Variants in DLGAP2 observed in about 807,000 individuals in gnomAD.
DLGAP2 encodes DLG associated protein 2.
DLGAP2 carries 26 observed loss-of-function variants against 100.3 expected under a neutral mutation model. The observed-to-expected ratio is 0.26, with a 90% CI of 0.19 to 0.36. The LOEUF is 0.36. DLGAP2 is among the 10% of genes least tolerant of loss of function. The pLI is 1.00. For synonymous variants in DLGAP2, 886 were observed against 630.1 expected, an observed-to-expected ratio of 1.41 and a Z score of -6.08; for missense variants, 1,858 against 1,453.2, an observed-to-expected ratio of 1.28 and a Z score of -4.53.
Position 1,006,506 on chromosome 8 carries a change from C to T in DLGAP2, c.73+98540C>T, listed in dbSNP as rs1490193306. Among the ~76,000 whole-genome samples the T allele has an allele frequency of 4.4e-5, 5 of 112,768 alleles. 1 individual carries two copies. The highest frequency in any genetic ancestry group is 1.7e-4 in the African/African-American group (5 of 28,642). The allele number at this position is 112,768 out of a possible 152,430, so 74.0% of individuals were successfully genotyped here. A position where few individuals can be genotyped will look rare whatever the true frequency, so the allele number is the denominator to read the frequency against. On this transcript the variant is annotated intron_variant, in intron 2 of 14. Coordinates refer to ENST00000637795, the MANE Select transcript of DLGAP2 (RefSeq NM_001346810.2). ...CGGGGACACCGTGTGTCTCAAGTCT[C>T]AGGATGTGGTCCTTTATCATGTCAG...
At chr8:1,376,733 A>T (rs911129399) in intron 3 of DLGAP2, among the ~76,000 whole-genome samples, 1 of 147,084 alleles carries the variant, frequency 6.8e-6, no homozygotes, top group Non-Finnish European at 1.5e-5. Context: ...GCCCGGTGGG[A>T]TGTGTGGTCA....
chr8:943,415 C>T (rs1015975584), intron 2 of DLGAP2, among the ~76,000 whole-genome samples: 7 of 152,250 alleles, frequency 4.6e-5, no homozygotes, highest in African/African-American at 1.2e-4. Context: ...TTCATATGTG[C>T]GGCACCCGCG....
At chr8:1,379,494 C>G (rs764460098) in intron 3 of DLGAP2, 2 of 152,310 alleles carry the variant, frequency 1.3e-5, no homozygotes, top group Non-Finnish European at 2.9e-5. Context: ...CTCCCGCTTC[C>G]TTCACTCATT....
At chr8:1,538,412 C>T (rs1192987295) in intron 4 of DLGAP2, among the ~76,000 whole-genome samples, 2 of 152,202 alleles carry the variant, frequency 1.3e-5, no homozygotes, top group Non-Finnish European at 2.9e-5. Context: ...ATTCCCTGAG[C>T]ACCTAAGCAG....
chr8:1,368,632 T>C (rs1802166276), intron 3 of DLGAP2: 2 of 152,182 alleles, frequency 1.3e-5, no homozygotes, highest in South Asian at 4.1e-4. Context: ...GACTAAGATG[T>C]TTATGAGTCT....
At chr8:917,273 C>G (rs940996141) in intron 2 of DLGAP2, among the ~76,000 whole-genome samples, 1 of 146,034 alleles carries the variant, frequency 6.8e-6, no homozygotes, top group African/African-American at 2.5e-5. Flanking sequence ...CAGTCTCACT[C>G]CATCACCCAG....
intron 2 of DLGAP2, among the ~76,000 whole-genome samples, chr8:1,156,629 C>CCAGCGCTCCAGCCCAGCGCCCCAGCT (rs1563220038): frequency 1.1e-3 from 24 of 21,722 alleles, no homozygotes; most frequent in African/African-American, 2.1e-3. Flanking sequence ...GCGCCCCAGC[C>CCAGCGCTCCAGCCCAGCGCCCCAGCT]CAGCGCCCCG....
chr8:1,445,664 C>T (rs1797965832), intron 3 of DLGAP2, among the ~76,000 whole-genome samples: 1 of 152,192 alleles, frequency 6.6e-6, no homozygotes, highest in Admixed American at 6.5e-5. Flanking sequence ...GGAATTGCCA[C>T]ACTGACTTCC....
intron 2 of DLGAP2, among the ~76,000 whole-genome samples, chr8:953,378 G>A (rs561656736): frequency 6.6e-6 from 1 of 152,208 alleles, no homozygotes; most frequent in African/African-American, 2.4e-5. Flanking sequence ...ATTTTTAGCA[G>A]AGACGGGATT....
chr8:915,276 G>A (rs1023355738), intron 2 of DLGAP2, among the ~76,000 whole-genome samples: 8 of 152,190 alleles, frequency 5.3e-5, no homozygotes, highest in African/African-American at 7.2e-5. Context: ...GGCTGGGCGC[G>A]GTGGCTCACG....
intron 1 of DLGAP2, among the ~76,000 whole-genome samples, chr8:897,669 G>A (rs561687351): frequency 1.8e-4 from 28 of 151,634 alleles, no homozygotes; most frequent in African/African-American, 6.1e-4. Context: ...TCCCTGCCCC[G>A]GCAGCCGCTC....
intron 1 of DLGAP2, among the ~76,000 whole-genome samples, chr8:825,089 C>T: frequency 6.6e-6 from 1 of 152,164 alleles, no homozygotes; most frequent in Middle Eastern, 3.2e-3. Context: ...AGAAATCCCC[C>T]AGAACTCACT....
intron 13 of DLGAP2, among the ~76,000 whole-genome samples, chr8:1,693,306 A>C (rs1040453477): frequency 5.1e-4 from 76 of 149,604 alleles, no homozygotes; most frequent in Non-Finnish European, 1.0e-3. Flanking sequence ...ATACATATAC[A>C]TTCTATATAT....
chr8:1,413,870 G>A (rs1424294470), intron 3 of DLGAP2, among the ~76,000 whole-genome samples: 1 of 152,216 alleles, frequency 6.6e-6, no homozygotes, highest in Admixed American at 6.5e-5. Flanking sequence ...GATGCACAAT[G>A]TCAATGGCAT....
chr8:1,675,241 T>G lies in DLGAP2; in HGVS notation c.2203-1292T>G, dbSNP rs537243812. On this transcript the variant is annotated intron_variant, in intron 10 of 14. Coordinates refer to ENST00000637795, the MANE Select transcript of DLGAP2 (RefSeq NM_001346810.2). ...CGAGAGCTCCAGGGTTTTCTCGCGC[T>G]CTGTCTTCTGTGCGGCACCCGGCTC... 6.6e-5 allele frequency among the ~76,000 whole-genome samples: 10 copies of G among 152,334 alleles called. No individual in the cohort carries two copies. The South Asian group carries it at 1.7e-3, about 25-fold the overall frequency.
chr8:1,041,296 C>T (rs79219542), intron 2 of DLGAP2, among the ~76,000 whole-genome samples: 12 of 152,164 alleles, frequency 7.9e-5, no homozygotes, highest in Admixed American at 2.0e-4. Flanking sequence ...CTTGGAGGTG[C>T]GTGGAGATCG....
chr8:1,146,340 G>T (rs558104173), intron 2 of DLGAP2, among the ~76,000 whole-genome samples: 2 of 152,200 alleles, frequency 1.3e-5, no homozygotes, highest in Non-Finnish European at 2.9e-5. Flanking sequence ...TGTCTTTACG[G>T]ATTCCAGATA....
In DLGAP2 at chr8:1,368,360, T is replaced by A. The variant is rs112455925; in HGVS notation, c.106+109477T>A. Among the ~76,000 whole-genome samples, 840 of 151,854 alleles carry A rather than the reference T, an allele frequency of 5.5e-3. 9 individuals are homozygous for A. Among genetic ancestry groups the A allele is most frequent in the African/African-American group, 0.019 (792 of 41,400 alleles). The stretch of plus-strand genomic sequence containing the variant: ...GTGTGTGCATGCGTGTGTATATATG[T>A]GTATGGGTGCATGTGCATATGTGCA... On this transcript the variant is annotated intron_variant, in intron 3 of 14. Transcript: ENST00000637795.
intron 3 of DLGAP2, among the ~76,000 whole-genome samples, chr8:1,329,082 A>AGGCG (rs1484752592): frequency 4.9e-4 from 74 of 151,752 alleles, no homozygotes; most frequent in African/African-American, 1.4e-3. Flanking sequence ...GACAGGTGAC[A>AGGCG]AGCGACAAGC....
Sources: gnomAD v4.1 joint callset for allele counts (sites outside exome capture counted in the v4.1 genomes callset) on GRCh38, gnomAD v4.1.1 for gene constraint, MANE v1.5 for transcripts, NCBI Gene and HGNC (gene_info 2026-07-23, HGNC 2026-07-21) for gene names.